The following SLC35F4 variants were observed in gnomAD, a reference collection of about 807,000 sequenced individuals.
SLC35F4 encodes the protein chromosome 14 open reading frame 36.
A neutral mutation model predicts 44.2 loss-of-function variants in SLC35F4; 24 were observed. The ratio of observed to expected loss-of-function variants is 0.54; its 90% CI spans 0.39 to 0.76. The LOEUF (loss-of-function observed/expected upper bound fraction) is 0.76, where lower values mean the gene tolerates loss of function less well. Among genes scored for constraint, SLC35F4 ranks in the 30% least tolerant of loss-of-function variants. The pLI, the probability that SLC35F4 is intolerant of heterozygous loss-of-function variation, is 0.00. For missense variants in SLC35F4, 562 were observed against 586.1 expected (o/e 0.96, Z 0.42); for synonymous variants, 238 against 223.6 (o/e 1.06, Z -0.57).
chr14:57,907,970 G>A (rs944310375), intron 1 of SLC35F4, among the ~76,000 whole-genome samples: 1 of 152,080 alleles, frequency 6.6e-6, no homozygotes, highest in Admixed American at 6.5e-5. Context: ...AAGCCCTGGT[G>A]TGTGATGTTC....
chr14:57,655,054 A>G (rs17093508), intron 1 of SLC35F4, among the ~76,000 whole-genome samples: 25,513 of 151,994 alleles, frequency 0.17, 2,928 homozygotes, highest in African/African-American at 0.33. Flanking sequence ...TATCTCCACC[A>G]TCTCAGAATC....
chr14:57,721,320 G>A (rs1594882722), intron 1 of SLC35F4, among the ~76,000 whole-genome samples: 2 of 152,172 alleles, frequency 1.3e-5, no homozygotes, highest in South Asian at 4.2e-4. Flanking sequence ...GAGAGGCAAG[G>A]AATTTAGTGA....
chr14:57,674,553 G>T (rs1024666138), intron 1 of SLC35F4, among the ~76,000 whole-genome samples: 1 of 152,138 alleles, frequency 6.6e-6, no homozygotes, highest in Admixed American at 6.5e-5. Flanking sequence ...ACTAGTGAAT[G>T]CAACAATGTG....
At chr14:57,668,899 G>T (rs553501145) in intron 1 of SLC35F4, among the ~76,000 whole-genome samples, 32 of 152,128 alleles carry the variant, frequency 2.1e-4, no homozygotes, top group African/African-American at 7.5e-4. Context: ...GGATGGCATT[G>T]AATCTATAAA....
chr14:57,628,880 G>A (rs1045319546), intron 1 of SLC35F4, among the ~76,000 whole-genome samples: 7 of 152,032 alleles, frequency 4.6e-5, no homozygotes, highest in African/African-American at 1.7e-4. Flanking sequence ...ACTGCCAATT[G>A]TATACGTAGA....
intron 1 of SLC35F4, among the ~76,000 whole-genome samples, chr14:57,659,023 G>A (rs1464528122): frequency 6.6e-6 from 1 of 152,078 alleles, no homozygotes; most frequent in Non-Finnish European, 1.5e-5. Context: ...AGGTTGGCTG[G>A]GCTCTCAGAT....
At chr14:57,569,535 G>C (rs1325947155) in intron 6 of SLC35F4, among the ~76,000 whole-genome samples, 1 of 152,152 alleles carries the variant, frequency 6.6e-6, no homozygotes, top group African/African-American at 2.4e-5. Flanking sequence ...TGGATTGAAG[G>C]CCAGTGGTAT....
At chr14:57,884,708 A>C (rs1459438173) in intron 1 of SLC35F4, among the ~76,000 whole-genome samples, 1 of 152,188 alleles carries the variant, frequency 6.6e-6, no homozygotes, top group Non-Finnish European at 1.5e-5. Flanking sequence ...CAGAGATGGT[A>C]TTATGAATAT....
chr14:57,670,902 C>CTTTTTTTT (rs35951590), intron 1 of SLC35F4, among the ~76,000 whole-genome samples: 34 of 107,342 alleles, frequency 3.2e-4, no homozygotes, highest in Non-Finnish European at 4.8e-4. Flanking sequence ...CTCATTCATT[C>CTTTTTTTT]TTTTTTTTTT....
intron 1 of SLC35F4, among the ~76,000 whole-genome samples, chr14:57,826,893 CT>C (rs949351409): frequency 6.6e-6 from 1 of 152,140 alleles, no homozygotes; most frequent in South Asian, 2.1e-4. Flanking sequence ...AATAAGAACT[CT>C]TTTACACTAT....
rs1185371353 is a variant in SLC35F4, at chr14:57,938,000, CAAGT to C, written n.282+43909_282+43912del. ...TACTCTCCCCTCTGTCTCCACTCCCCAAGTAAGACCTATCTTTGAAGCCAGCTGA... is the reference window on the plus strand; with the variant it reads ...TACTCTCCCCTCTGTCTCCACTCCCCAAGACCTATCTTTGAAGCCAGCTGA... On this transcript the variant is annotated intron_variant and non_coding_transcript_variant, in intron 1 of 1. Transcript: ENST00000556568. Among the ~76,000 whole-genome samples, 3 of 152,286 alleles carry C rather than the reference CAAGT, an allele frequency of 2.0e-5. No homozygotes were observed. In the East Asian group the frequency reaches 5.8e-4, roughly 29 times the overall value.
intron 4 of SLC35F4, 67 bp from the exon 5 acceptor site, chr14:57,572,086 A>G: frequency 6.4e-7 from 1 of 1,554,796 alleles, no homozygotes; most frequent in South Asian, 1.2e-5. Context: ...AGGCAATTCA[A>G]GACTTCCTGA....
chr14:57,902,838 T>C (rs534370845), intron 1 of SLC35F4, among the ~76,000 whole-genome samples: 65 of 152,154 alleles, frequency 4.3e-4, no homozygotes, highest in Non-Finnish European at 8.5e-4. Context: ...TGGAAAGCTC[T>C]TCCTCCCTGA....
At chr14:57,972,087 G>A (rs1487288854), downstream of SLC35F4, among the ~76,000 whole-genome samples, 1 of 149,964 alleles carries the variant, frequency 6.7e-6, no homozygotes, top group African/African-American at 2.4e-5. Context: ...AGCATGAGGT[G>A]GAAAAGAGTG....
intron 1 of SLC35F4, among the ~76,000 whole-genome samples, chr14:57,800,433 A>G (rs1012119196): frequency 1.3e-5 from 2 of 152,214 alleles, no homozygotes; most frequent in Admixed American, 1.3e-4. Flanking sequence ...AATGCTAAAA[A>G]CTGAACAAGC....
At chr14:57,820,118 C>T (rs1883010822) in intron 1 of SLC35F4, among the ~76,000 whole-genome samples, 1 of 152,060 alleles carries the variant, frequency 6.6e-6, no homozygotes, top group Non-Finnish European at 1.5e-5. Context: ...AAATAAAAAT[C>T]AGTTTTAGGT....
chr14:57,827,691 T>C (rs1234725632), intron 1 of SLC35F4, among the ~76,000 whole-genome samples: 5 of 151,998 alleles, frequency 3.3e-5, no homozygotes, highest in Admixed American at 6.6e-5. Flanking sequence ...GAGTTATATA[T>C]GAAATCTCCA....
chr14:57,642,228 C>G (rs911888470), intron 1 of SLC35F4, among the ~76,000 whole-genome samples: 1 of 151,810 alleles, frequency 6.6e-6, no homozygotes, highest in African/African-American at 2.4e-5. Context: ...GTTGCAATCA[C>G]CATTTCTTTC....
chr14:57,801,506 A>G (rs1047467801), intron 1 of SLC35F4, among the ~76,000 whole-genome samples: 4 of 152,226 alleles, frequency 2.6e-5, no homozygotes. Flanking sequence ...AAGCACACAT[A>G]ACAATACTAA....
Sources: gnomAD v4.1 joint callset for allele counts (sites outside exome capture counted in the v4.1 genomes callset) on GRCh38, gnomAD v4.1.1 for gene constraint, MANE v1.5 for transcripts, NCBI Gene and HGNC (gene_info 2026-07-23, HGNC 2026-07-21) for gene names.